DOCK1: variants seen among roughly 807,000 people sequenced by gnomAD.
DOCK1 encodes dedicator of cytokinesis protein 1.
In DOCK1, 138 loss-of-function variants were observed where a neutral mutation model predicts 262.7. The observed-to-expected ratio is 0.53, with a 90% CI of 0.46 to 0.61. The LOEUF is 0.61. Among genes scored for constraint, DOCK1 ranks in the 20% least tolerant of loss-of-function variants. The probability of loss-of-function intolerance (pLI) is 0.00; values close to 1 mark genes in which losing one functional copy is unlikely to be tolerated. For missense variants in DOCK1, 1,908 were observed against 2,370.7 expected (o/e 0.80, Z 4.05); for synonymous variants, 866 against 867.4 (o/e 1.00, Z 0.03).
chr10:127,323,180 G>A (rs2062611670), intron 29 of DOCK1, among the ~76,000 whole-genome samples: 1 of 152,150 alleles, frequency 6.6e-6, no homozygotes, highest in African/African-American at 2.4e-5. Flanking sequence ...TGAGGACCTC[G>A]TGGGTGAGGA....
chr10:127,263,997 T>A (rs1247034012), intron 29 of DOCK1, among the ~76,000 whole-genome samples: 1 of 152,210 alleles, frequency 6.6e-6, no homozygotes, highest in Non-Finnish European at 1.5e-5. Flanking sequence ...AGAAACCGTT[T>A]CTTATTAACT....
At chr10:127,327,744 C>T (rs1564995182) in intron 29 of DOCK1, among the ~76,000 whole-genome samples, 1 of 152,238 alleles carries the variant, frequency 6.6e-6, no homozygotes, top group East Asian at 1.9e-4. Context: ...CTGGTAGGAC[C>T]CAGCCTCTCT....
At chr10:127,205,589 G>A (rs1372165906) in intron 27 of DOCK1, among the ~76,000 whole-genome samples, 1 of 152,234 alleles carries the variant, frequency 6.6e-6, no homozygotes, top group Non-Finnish European at 1.5e-5. Flanking sequence ...ACGAAGAAAT[G>A]TTCCTCTTCC....
At chr10:127,384,058 C>T (rs1375278876) in intron 37 of DOCK1, among the ~76,000 whole-genome samples, 1 of 152,164 alleles carries the variant, frequency 6.6e-6, no homozygotes, top group Non-Finnish European at 1.5e-5. Context: ...AGGCATCTTC[C>T]GCCTCCTCTT....
In DOCK1 at chr10:127,201,912, C is replaced by T. The variant is rs988361037; in HGVS notation, c.2848-46096C>T. 1.2e-4 allele frequency among the ~76,000 whole-genome samples: 19 copies of T among 152,278 alleles called. No individual in the cohort carries two copies. In the East Asian group the frequency reaches 1.9e-3, roughly 15 times the overall value. ...ACCTCTTCAGCACAGGTAGATGGCT[C>T]AATGGGCTTGTCTTAATCCTTGCTG... On this transcript the variant is annotated intron_variant, in intron 27 of 51. Transcript: ENST00000623213.
intron 1 of DOCK1, among the ~76,000 whole-genome samples, chr10:126,940,755 C>CT (rs2034922945): frequency 1.3e-5 from 2 of 152,184 alleles, no homozygotes; most frequent in South Asian, 2.1e-4. Flanking sequence ...GTCAGAGTGC[C>CT]TTTTTTTGTA....
Position 126,987,516 on chromosome 10 carries a change from C to T in DOCK1, c.228-5C>T. On this transcript the variant is annotated splice_polypyrimidine_tract_variant and splice_region_variant and intron_variant, in intron 4 of 51. Coordinates refer to ENST00000623213, the MANE Select transcript of DOCK1 (RefSeq NM_001290223.2). ...CTCAGCTGCTCTTTCCTTCTTTCCTCCCAGGCAACATGAAACAGTCATCCC... is the reference window on the plus strand; with the variant it reads ...CTCAGCTGCTCTTTCCTTCTTTCCTTCCAGGCAACATGAAACAGTCATCCC... 6.4e-7 allele frequency: 1 copy of T among 1,573,480 alleles called. No homozygotes were observed. The highest frequency in any genetic ancestry group is 8.6e-7 in the Non-Finnish European group (1 of 1,159,118).
chr10:127,334,537 A>G (rs2063115226), intron 29 of DOCK1, among the ~76,000 whole-genome samples: 1 of 152,212 alleles, frequency 6.6e-6, no homozygotes, highest in African/African-American at 2.4e-5. Flanking sequence ...TCAATTACCA[A>G]GAAGAGATAA....
chr10:127,381,730 A>C (rs1165347180), intron 37 of DOCK1, among the ~76,000 whole-genome samples: 1 of 152,208 alleles, frequency 6.6e-6, no homozygotes, highest in African/African-American at 2.4e-5. Context: ...AGAACAGCTA[A>C]GAGATAGGAT....
Position 127,012,425 on chromosome 10 carries a change from G to T in DOCK1, c.1201+51G>T. The T allele has an allele frequency of 5.1e-6, 8 of 1,564,582 alleles. No individual in the cohort carries two copies. The highest frequency in any genetic ancestry group is 7.0e-6 in the Non-Finnish European group (8 of 1,137,262). ...ATCAGCGTGTATTTGCATGCGTTGGGGCAGTGCTGTCTGGGTTGGTTTTAG... is the reference window on the plus strand; with the variant it reads ...ATCAGCGTGTATTTGCATGCGTTGGTGCAGTGCTGTCTGGGTTGGTTTTAG... On this transcript the variant is annotated intron_variant, in intron 12 of 51. Transcript: ENST00000623213. This position sits in a 1 kb window ranked among gnomAD's most constrained non-coding sequence, Gnocchi z 4.0.
intron 3 of DOCK1, 21 bp from the exon 4 acceptor site, chr10:126,981,897 G>GTTTT: frequency 7.1e-7 from 1 of 1,410,910 alleles, no homozygotes; most frequent in Non-Finnish European, 9.6e-7. Flanking sequence ...AAAAGCTACT[G>GTTTT]TTTTTTTTTT....
chr10:127,384,977 C>T (rs998457346), intron 38 of DOCK1, 68 bp downstream of exon 38: 22 of 1,401,158 alleles, frequency 1.6e-5, no homozygotes, highest in African/African-American at 1.5e-4. Context: ...GTTGTAAACA[C>T]GTTTTTTAGC....
intron 27 of DOCK1, chr10:127,135,442 TTTTA>T (rs1325768460): frequency 6.5e-6 from 1 of 152,690 alleles, no homozygotes; most frequent in Non-Finnish European, 1.5e-5. Context: ...TCTTTGATTT[TTTTA>T]TTTAAAAATT....
intron 21 of DOCK1, among the ~76,000 whole-genome samples, chr10:127,048,226 G>A (rs2044473263): frequency 6.6e-6 from 1 of 152,120 alleles, no homozygotes; most frequent in Non-Finnish European, 1.5e-5. Context: ...TATATCTCTT[G>A]GTGATTTTAA....
chr10:127,310,226 C>T (rs1195540223), intron 29 of DOCK1, among the ~76,000 whole-genome samples: 1 of 152,082 alleles, frequency 6.6e-6, no homozygotes, highest in African/African-American at 2.4e-5. Context: ...TGGGATTTTT[C>T]TATGAATGAG....
rs551230334 is a variant in DOCK1 at position 126,995,345 on chromosome 10, G to C, written c.474-1403G>C. ...GATCATGCCACTGCACTCCAGCCTG[G>C]GCAACACTGAGCACTGGGTGAGCAA... On this transcript the variant is annotated intron_variant, in intron 6 of 51. Coordinates refer to ENST00000623213, the MANE Select transcript of DOCK1 (RefSeq NM_001290223.2). This position sits in a 1 kb window ranked among gnomAD's most constrained non-coding sequence, Gnocchi z 5.8. Among the ~76,000 whole-genome samples the C allele has an allele frequency of 6.6e-6, 1 of 152,174 alleles. No individual in the cohort carries two copies. Among genetic ancestry groups the C allele is most frequent in the South Asian group, 2.1e-4 (1 of 4,824 alleles).
intron 17 of DOCK1, among the ~76,000 whole-genome samples, 179 bp from the exon 18 acceptor site, chr10:127,031,958 C>T (rs952999362): frequency 1.3e-5 from 2 of 152,106 alleles, no homozygotes; most frequent in Non-Finnish European, 2.9e-5. Flanking sequence ...TAGGTGCCAT[C>T]TAAAAATGCC....
chr10:127,048,776 AGCTTTAT>A (rs1256290034), intron 21 of DOCK1, among the ~76,000 whole-genome samples: 7 of 152,206 alleles, frequency 4.6e-5, no homozygotes, highest in African/African-American at 1.7e-4. Context: ...CTGTTTCAGA[AGCTTTAT>A]GCTTTATGCT....
chr10:126,960,651 T>C, intron 1 of DOCK1, among the ~76,000 whole-genome samples: 1 of 151,042 alleles, frequency 6.6e-6, no homozygotes, highest in Non-Finnish European at 1.5e-5. Context: ...ATTTGCATAA[T>C]GACAAAGCCT....
Sources: gnomAD v4.1 joint callset for allele counts (sites outside exome capture counted in the v4.1 genomes callset) on GRCh38, gnomAD v4.1.1 for gene constraint, Gnocchi (gnomAD v3.1) non-coding constraint, MANE v1.5 for transcripts, NCBI Gene and HGNC (gene_info 2026-07-23, HGNC 2026-07-21) for gene names.